SMAP2: variants seen among roughly 807,000 people sequenced by gnomAD.
SMAP2 encodes the protein small ArfGAP2, also known as stromal membrane-associated protein 2.
Under a neutral mutation model 56.4 loss-of-function variants are expected in SMAP2, and 25 were observed. The observed-to-expected ratio is 0.44, with a 90% CI of 0.32 to 0.62. The LOEUF is 0.62. Ranked by LOEUF, SMAP2 falls within the 20% of genes least tolerant of loss-of-function variation. The probability of loss-of-function intolerance (pLI) is 0.04; values close to 1 mark genes in which losing one functional copy is unlikely to be tolerated. For synonymous variants in SMAP2, 157 were observed against 181.7 expected (o/e 0.86, Z 1.09); for missense variants, 388 against 545.6 (o/e 0.71, Z 2.88).
intron 2 of SMAP2, among the ~76,000 whole-genome samples, chr1:40,364,174 T>C (rs903605869): frequency 2.6e-5 from 4 of 152,158 alleles, no homozygotes; most frequent in Non-Finnish European, 5.9e-5. Context: ...AGTCCAAAAA[T>C]GTTCACCATA....
chr1:40,404,570 C>T (rs1169509002), intron 1 of SMAP2, among the ~76,000 whole-genome samples: 1 of 152,194 alleles, frequency 6.6e-6, no homozygotes, highest in African/African-American at 2.4e-5. Context: ...TAACATTTCA[C>T]AGCTGACTTT....
chr1:40,370,949 C>T (rs919322659), upstream of SMAP2, among the ~76,000 whole-genome samples: 1 of 151,416 alleles, frequency 6.6e-6, no homozygotes, highest in Admixed American at 6.6e-5. Context: ...CTGAGGTGGG[C>T]GGGTCACGAG....
intron 1 of SMAP2, among the ~76,000 whole-genome samples, chr1:40,394,468 C>CT (rs1557836257): frequency 6.6e-6 from 1 of 152,172 alleles, no homozygotes; most frequent in Non-Finnish European, 1.5e-5. Context: ...GGACTGGCCT[C>CT]TAACGGAAGC....
chr1:40,360,305 C>CTT (rs34776166), intron 1 of SMAP2, among the ~76,000 whole-genome samples: 24 of 111,426 alleles, frequency 2.2e-4, no homozygotes, highest in African/African-American at 4.4e-4. Flanking sequence ...CGTGCCTGAG[C>CTT]TTTTTTTTTT....
intron 1 of SMAP2, among the ~76,000 whole-genome samples, chr1:40,360,000 C>CTTTTT (rs1644452727): frequency 1.4e-5 from 1 of 72,146 alleles, no homozygotes; most frequent in African/African-American, 6.5e-5. Context: ...TCTTCTTCTT[C>CTTTTT]TTTCTTTTTT....
At chr1:40,394,473 G>A (rs1172372609) in intron 1 of SMAP2, among the ~76,000 whole-genome samples, 3 of 152,014 alleles carry the variant, frequency 2.0e-5, no homozygotes, top group Admixed American at 6.6e-5. Context: ...GGCCTCTAAC[G>A]GAAGCAACTG....
Position 40,422,110 on chromosome 1 carries a change from C to T in SMAP2, c.*9C>T, listed in dbSNP as rs374456789. On this transcript the variant is annotated 3_prime_UTR_variant, in exon 10 of 10. Transcript: ENST00000372718. ...CTCAGATGTGGAAATAAAAACAAAA[C>T]ACCTGTATGGCTGCCATTCTCTTCA... 1.7e-5 allele frequency: 28 copies of T among 1,613,698 alleles called. No homozygotes were observed. The highest frequency in any genetic ancestry group is 2.4e-5 in the Non-Finnish European group (28 of 1,179,896).
chr1:40,399,310 A>ATTTTTTTTTTTTTTTTTTTTTTTT (rs747127620), intron 1 of SMAP2, among the ~76,000 whole-genome samples: 2 of 91,954 alleles, frequency 2.2e-5, no homozygotes, highest in African/African-American at 4.6e-5. Context: ...ACGTGTGGCT[A>ATTTTTTTTTTTTTTTTTTTTTTTT]TTTTTTTTTT....
At chr1:40,359,958 G>A (rs1176659585) in intron 1 of SMAP2, among the ~76,000 whole-genome samples, 2 of 150,748 alleles carry the variant, frequency 1.3e-5, no homozygotes, top group Non-Finnish European at 3.0e-5. Context: ...ACAGAAAGAG[G>A]CACTGAAGAG....
chr1:40,416,643 C>A, intron 8 of SMAP2, 137 bp from the exon 9 acceptor site: 1 of 946,266 alleles, frequency 1.1e-6, no homozygotes, highest in Non-Finnish European at 1.6e-6. Flanking sequence ...GGGACTCTAA[C>A]TACTTTGCTG....
intron 1 of SMAP2, among the ~76,000 whole-genome samples, chr1:40,387,911 G>A (rs954320408): frequency 1.3e-5 from 2 of 150,080 alleles, no homozygotes; most frequent in Non-Finnish European, 3.0e-5. Flanking sequence ...CTGGAGTTCC[G>A]GGTGGGCATG....
intron 1 of SMAP2, among the ~76,000 whole-genome samples, chr1:40,353,287 G>C (rs1481886755): frequency 2.0e-5 from 3 of 152,192 alleles, no homozygotes; most frequent in Non-Finnish European, 4.4e-5. Context: ...TTAGAGCTGT[G>C]GTGACCATCT....
chr1:40,386,894 T>C lies in SMAP2; in HGVS notation c.103+12671T>C, dbSNP rs1375600879. Among the ~76,000 whole-genome samples, 1 of 149,200 alleles carries C rather than the reference T, an allele frequency of 6.7e-6. No individual in the cohort carries two copies. Among genetic ancestry groups the C allele is most frequent in the African/African-American group, 2.5e-5 (1 of 40,174 alleles). On this transcript the variant is annotated intron_variant, in intron 1 of 9. Transcript: ENST00000372718. The surrounding 1 kb of genome is among the most constrained non-coding windows in gnomAD (Gnocchi z 4.1). ...TTTGGAGACAAGGTCTCTCGCTCCG[T>C]CGCCCAAGCTGGAGTACAGTGGCAC...
intron 1 of SMAP2, among the ~76,000 whole-genome samples, chr1:40,351,363 T>A (rs1644408284): frequency 6.6e-6 from 1 of 152,188 alleles, no homozygotes; most frequent in Non-Finnish European, 1.5e-5. Context: ...GAAGATAGAA[T>A]CTCAGCTCTG....
At chr1:40,381,675 C>G (rs906733303) in intron 1 of SMAP2, among the ~76,000 whole-genome samples, 1 of 152,092 alleles carries the variant, frequency 6.6e-6, no homozygotes, top group Non-Finnish European at 1.5e-5. Flanking sequence ...TGACTTGCTT[C>G]GTGGCATTGA....
At chr1:40,382,210 G>T (rs1226051979) in intron 1 of SMAP2, among the ~76,000 whole-genome samples, 1 of 152,134 alleles carries the variant, frequency 6.6e-6, no homozygotes, top group African/African-American at 2.4e-5. Flanking sequence ...TTCATCACAT[G>T]AGTCATTGTC....
chr1:40,407,644 TA>T (rs1314704358), intron 2 of SMAP2, among the ~76,000 whole-genome samples: 1 of 152,196 alleles, frequency 6.6e-6, no homozygotes, highest in African/African-American at 2.4e-5. Context: ...TCCATTTTTG[TA>T]AACTCATCAT....
intron 1 of SMAP2, among the ~76,000 whole-genome samples, chr1:40,384,717 GTTTC>G (rs1369250134): frequency 6.6e-6 from 1 of 152,076 alleles, no homozygotes; most frequent in African/African-American, 2.4e-5. Flanking sequence ...AGGTTTCCTT[GTTTC>G]TTTCTTTTCT....
chr1:40,360,227 C>T (rs570848491), intron 1 of SMAP2, among the ~76,000 whole-genome samples: 26 of 150,998 alleles, frequency 1.7e-4, no homozygotes, highest in Middle Eastern at 3.4e-3. Flanking sequence ...AGGATGGTCT[C>T]GATCTCCTGA....
Sources: allele counts gnomAD v4.1 joint callset (sites outside exome capture counted in the v4.1 genomes callset), GRCh38; gene constraint gnomAD v4.1.1; non-coding constraint Gnocchi (gnomAD v3.1); transcripts MANE v1.5; gene names NCBI Gene and HGNC (gene_info 2026-07-23, HGNC 2026-07-21).